GNAL: variants seen among roughly 807,000 people sequenced by gnomAD.
GNAL encodes G protein subunit alpha L, also known as guanine nucleotide-binding protein G(olf) subunit alpha.
In GNAL, 18 loss-of-function variants were observed where a neutral mutation model predicts 55.1. That is an observed-to-expected ratio of 0.33 (90% CI 0.23 to 0.48). The LOEUF (loss-of-function observed/expected upper bound fraction) is 0.48, where lower values mean the gene tolerates loss of function less well. Among genes scored for constraint, GNAL ranks in the 20% least tolerant of loss-of-function variants. The pLI is 0.99. For missense variants in GNAL, 412 were observed against 614.1 expected (o/e 0.67, Z 3.48); for synonymous variants, 253 against 237.0 (o/e 1.07, Z -0.62).
intron 11 of GNAL, among the ~76,000 whole-genome samples, chr18:11,879,996 C>T (rs1011568758): frequency 2.6e-5 from 4 of 151,196 alleles, no homozygotes; most frequent in South Asian, 4.3e-4. Flanking sequence ...CGGTGGCTCA[C>T]GCCTGTAATC....
At chr18:11,819,748 TTTATC>T (rs2035045380) in intron 4 of GNAL, among the ~76,000 whole-genome samples, 1 of 152,146 alleles carries the variant, frequency 6.6e-6, no homozygotes, top group African/African-American at 2.4e-5. Flanking sequence ...TTTAGTATTA[TTTATC>T]TTAGTTGCTA....
intron 5 of GNAL, among the ~76,000 whole-genome samples, chr18:11,825,729 C>CAAA (rs60460793): frequency 7.8e-5 from 6 of 76,926 alleles, no homozygotes; most frequent in Non-Finnish European, 9.5e-5. Flanking sequence ...GACTCTGTCT[C>CAAA]AAAAAAAAAA....
intron 5 of GNAL, among the ~76,000 whole-genome samples, chr18:11,845,534 T>C (rs1299272470): frequency 6.6e-6 from 1 of 152,170 alleles, no homozygotes; most frequent in Non-Finnish European, 1.5e-5. Context: ...CTAACAATAT[T>C]TCACGTGTTT....
chr18:11,853,333 C>T (rs2035926428), intron 5 of GNAL: 1 of 167,120 alleles, frequency 6.0e-6, no homozygotes, highest in Admixed American at 6.5e-5. Flanking sequence ...TGCCTGCCAT[C>T]TTCTCAGGAA....
intron 5 of GNAL, among the ~76,000 whole-genome samples, chr18:11,861,883 T>C (rs1385156691): frequency 6.6e-6 from 1 of 151,714 alleles, no homozygotes; most frequent in Non-Finnish European, 1.5e-5. Flanking sequence ...CACTCACCCT[T>C]ACACTTTTAC....
chr18:11,783,547 T>C (rs1053992540), intron 4 of GNAL, among the ~76,000 whole-genome samples: 8 of 152,212 alleles, frequency 5.3e-5, no homozygotes, highest in Admixed American at 4.6e-4. Flanking sequence ...CTTCTTTTAA[T>C]GAATACATCC....
chr18:11,854,425 T>G (rs900433022), intron 5 of GNAL: 1 of 167,104 alleles, frequency 6.0e-6, no homozygotes, highest in African/African-American at 2.4e-5. Flanking sequence ...AATTTGTCAA[T>G]TAAATCATTT....
At chr18:11,717,927 C>T (rs2032012259) in intron 1 of GNAL, among the ~76,000 whole-genome samples, 1 of 152,188 alleles carries the variant, frequency 6.6e-6, no homozygotes. Flanking sequence ...ACATGTACCT[C>T]TGAACCTAAA....
At chr18:11,719,814 C>T (rs963729189) in intron 1 of GNAL, among the ~76,000 whole-genome samples, 2 of 151,282 alleles carry the variant, frequency 1.3e-5, no homozygotes, top group Admixed American at 6.6e-5. Context: ...CATGCTGCAG[C>T]GGCCGTGGAC....
intron 1 of GNAL, among the ~76,000 whole-genome samples, chr18:11,700,482 A>C (rs548800197): frequency 6.6e-6 from 1 of 152,344 alleles, no homozygotes; most frequent in South Asian, 2.1e-4. Flanking sequence ...AGGAGGAATC[A>C]CAGGATTGTT....
intron 5 of GNAL, among the ~76,000 whole-genome samples, chr18:11,847,571 A>G (rs7234436): frequency 0.058 from 8,790 of 152,284 alleles, 379 homozygotes; most frequent in African/African-American, 0.13. Context: ...CCATTTCATG[A>G]TAAAAATAAT....
intron 5 of GNAL, among the ~76,000 whole-genome samples, chr18:11,834,288 G>A (rs1408249357): frequency 5.3e-5 from 8 of 152,174 alleles, no homozygotes; most frequent in African/African-American, 1.7e-4. Flanking sequence ...AGGGAGGGGC[G>A]TGTGGGAACA....
intron 5 of GNAL, chr18:11,851,347 C>G: frequency 1.1e-6 from 1 of 919,922 alleles, no homozygotes; most frequent in Non-Finnish European, 1.5e-6. Flanking sequence ...CCCGCAGGCT[C>G]CGCCTTTGGC....
intron 4 of GNAL, among the ~76,000 whole-genome samples, chr18:11,794,898 A>C (rs2034338038): frequency 6.6e-6 from 1 of 151,974 alleles, no homozygotes; most frequent in South Asian, 2.1e-4. Flanking sequence ...GCTGGAGTGC[A>C]GTGGCGCGAT....
chr18:11,830,445 G>T (rs930154320), intron 5 of GNAL, among the ~76,000 whole-genome samples: 1 of 151,976 alleles, frequency 6.6e-6, no homozygotes, highest in Non-Finnish European at 1.5e-5. Flanking sequence ...TTATGAAGAA[G>T]GTAATAATTC....
intron 4 of GNAL, among the ~76,000 whole-genome samples, chr18:11,779,067 A>G (rs891556988): frequency 2.6e-5 from 4 of 152,158 alleles, no homozygotes; most frequent in Non-Finnish European, 4.4e-5. Context: ...AAACTGTGAA[A>G]AGAGCCAGAG....
intron 5 of GNAL, among the ~76,000 whole-genome samples, chr18:11,833,874 C>T (rs1381249062): frequency 1.3e-5 from 2 of 152,154 alleles, no homozygotes; most frequent in African/African-American, 4.8e-5. Flanking sequence ...TATGGAATGC[C>T]ACTAGCAAAG....
At chr18:11,867,678 G>A (rs2036295721) in intron 8 of GNAL, among the ~76,000 whole-genome samples, 1 of 151,922 alleles carries the variant, frequency 6.6e-6, no homozygotes. Context: ...GCCGGGTGCG[G>A]TGGTGGGTGC....
intron 10 of GNAL, chr18:11,874,095 C>A (rs1436933388): frequency 6.6e-6 from 1 of 152,470 alleles, no homozygotes; most frequent in Non-Finnish European, 1.5e-5. Context: ...GCCAAGGCCA[C>A]CTGCCCAGCC....
Sources: allele counts gnomAD v4.1 joint callset (sites outside exome capture counted in the v4.1 genomes callset), GRCh38; gene constraint gnomAD v4.1.1; transcripts MANE v1.5; gene names NCBI Gene and HGNC (gene_info 2026-07-23, HGNC 2026-07-21).